Variants in ZNF804B observed in about 807,000 individuals in gnomAD.
ZNF804B encodes zinc finger protein 804B.
A neutral mutation model predicts 101.4 loss-of-function variants in ZNF804B; 80 were observed. That is an observed-to-expected ratio of 0.79 (90% CI 0.66 to 0.95). The LOEUF (loss-of-function observed/expected upper bound fraction) is 0.95, where lower values mean the gene tolerates loss of function less well. Among genes scored for constraint, ZNF804B ranks in the 40% least tolerant of loss-of-function variants. The probability of loss-of-function intolerance (pLI) is 0.00; values close to 1 mark genes in which losing one functional copy is unlikely to be tolerated. For missense variants in ZNF804B, 1,673 were observed against 1,561.9 expected, an observed-to-expected ratio of 1.07 and a Z score of -1.20; for synonymous variants, 622 against 558.8, an observed-to-expected ratio of 1.11 and a Z score of -1.59.
chr7:89,089,698 T>C (rs1182171601), intron 1 of ZNF804B, among the ~76,000 whole-genome samples: 2 of 152,076 alleles, frequency 1.3e-5, no homozygotes, highest in Non-Finnish European at 2.9e-5. Context: ...GAAATTAAAT[T>C]TATTTTTAAG....
intron 1 of ZNF804B, among the ~76,000 whole-genome samples, chr7:89,205,402 G>T (rs989186792): frequency 3.3e-5 from 5 of 152,084 alleles, no homozygotes; most frequent in Non-Finnish European, 7.3e-5. Flanking sequence ...CTGAGAAAAG[G>T]CAAGTCCCTT....
At chr7:88,989,261 G>T (rs1793809542) in intron 1 of ZNF804B, among the ~76,000 whole-genome samples, 1 of 152,086 alleles carries the variant, frequency 6.6e-6, no homozygotes, top group African/African-American at 2.4e-5. Flanking sequence ...TTCCCAAAGT[G>T]CTGGGATTAT....
At position 89,327,487 on chromosome 7, in the gene ZNF804B, G is replaced by T; in HGVS notation, c.380+13G>T. On this transcript the variant is annotated intron_variant, in intron 3 of 3. Transcript: ENST00000333190. ...AGCAATCTGAATGGTAAGAATTAAAGGTGTCTGGGATGCTTCAAAACTCTC... is the reference window on the plus strand; with the variant it reads ...AGCAATCTGAATGGTAAGAATTAAATGTGTCTGGGATGCTTCAAAACTCTC... The T allele has an allele frequency of 1.2e-6, 2 of 1,607,046 alleles. No homozygotes were observed. The highest frequency in any genetic ancestry group is 1.7e-6 in the Non-Finnish European group (2 of 1,177,000).
intron 2 of ZNF804B, among the ~76,000 whole-genome samples, chr7:89,230,720 C>G (rs1789179859): frequency 6.6e-6 from 1 of 152,020 alleles, no homozygotes; most frequent in Non-Finnish European, 1.5e-5. Context: ...ACCTGGACAT[C>G]CACATACATC....
At chr7:88,952,545 T>G (rs4727195) in intron 1 of ZNF804B, among the ~76,000 whole-genome samples, 1 of 151,522 alleles carries the variant, frequency 6.6e-6, no homozygotes, top group African/African-American at 2.4e-5. Context: ...ATTATAGTGA[T>G]GTAGTCAGGC....
At chr7:89,075,614 G>A (rs1343742692) in intron 1 of ZNF804B, among the ~76,000 whole-genome samples, 1 of 152,208 alleles carries the variant, frequency 6.6e-6, no homozygotes, top group Non-Finnish European at 1.5e-5. Flanking sequence ...CTAGCCCAGT[G>A]TAGAACGGAA....
chr7:89,066,490 G>A (rs1055867748), intron 1 of ZNF804B, among the ~76,000 whole-genome samples: 2 of 152,076 alleles, frequency 1.3e-5, no homozygotes, highest in African/African-American at 4.8e-5. Flanking sequence ...ACCATTAGCA[G>A]GTTAAAAATG....
intron 1 of ZNF804B, among the ~76,000 whole-genome samples, chr7:88,890,517 C>T (rs1792200504): frequency 6.6e-6 from 1 of 152,126 alleles, no homozygotes; most frequent in Non-Finnish European, 1.5e-5. Context: ...TCTTGTTGCT[C>T]CACATTTTTA....
Position 88,759,949 on chromosome 7 carries a change from G to C in ZNF804B, c.-28G>C. 6.2e-7 allele frequency: 1 copy of C among 1,604,656 alleles called. No homozygotes were observed. Among genetic ancestry groups the C allele is most frequent in the Non-Finnish European group, 8.5e-7 (1 of 1,171,470 alleles). ...ACGGCTGGTCGCCTGGTGAGGAGTTGAGACTCTGCGCCTCCGCCCGGACCC... is the reference window on the plus strand; with the variant it reads ...ACGGCTGGTCGCCTGGTGAGGAGTTCAGACTCTGCGCCTCCGCCCGGACCC... On this transcript the variant is annotated 5_prime_UTR_variant, in exon 1 of 4. Coordinates refer to ENST00000333190, the MANE Select transcript of ZNF804B (RefSeq NM_181646.5).
chr7:89,098,228 T>A (rs957435547), intron 1 of ZNF804B, among the ~76,000 whole-genome samples: 2 of 151,966 alleles, frequency 1.3e-5, no homozygotes, highest in Admixed American at 1.3e-4. Context: ...TTAATCACCA[T>A]GTTATCCTTA....
chr7:88,931,912 C>A (rs1792892677), intron 1 of ZNF804B, among the ~76,000 whole-genome samples: 1 of 151,218 alleles, frequency 6.6e-6, no homozygotes, highest in Non-Finnish European at 1.5e-5. Flanking sequence ...AATGCTAGTA[C>A]TATTGGTGTT....
intron 2 of ZNF804B, among the ~76,000 whole-genome samples, chr7:89,232,058 A>G (rs557245321): frequency 3.9e-5 from 6 of 152,220 alleles, no homozygotes; most frequent in African/African-American, 1.2e-4. Flanking sequence ...AGTTTTTAAT[A>G]GAAACCCTTT....
intron 1 of ZNF804B, among the ~76,000 whole-genome samples, chr7:89,131,751 G>T (rs1790550411): frequency 1.3e-5 from 2 of 151,898 alleles, no homozygotes; most frequent in Admixed American, 6.6e-5. Context: ...ATTCTATATT[G>T]TGGTCAGACA....
intron 1 of ZNF804B, among the ~76,000 whole-genome samples, chr7:89,155,384 C>G (rs749139281): frequency 1.3e-5 from 2 of 152,134 alleles, no homozygotes; most frequent in African/African-American, 4.8e-5. Flanking sequence ...TCCATAATAT[C>G]TCATCTTTCA....
Position 88,759,736 on chromosome 7 carries a change from CG to C in ZNF804B, c.-238del. Reference sequence around the variant, plus strand: ...CAGAGCAGCATGTGGACTGGCTCGCCGGGTCCCCTCCGTGCTCTGTGCTGTC... The same window carrying C: ...CAGAGCAGCATGTGGACTGGCTCGCCGGTCCCCTCCGTGCTCTGTGCTGTC... On this transcript the variant is annotated 5_prime_UTR_variant, in exon 1 of 4. The change abolishes the stop of an existing upstream ORF in the 5' untranslated region. Coordinates refer to ENST00000333190, the MANE Select transcript of ZNF804B (RefSeq NM_181646.5). 5.5e-6 allele frequency: 3 copies of C among 543,066 alleles called. No homozygotes were observed. The highest frequency in any genetic ancestry group is 9.9e-6 in the Non-Finnish European group (3 of 301,860). 33.6% of individuals were successfully genotyped at this position (543,066 alleles called of 1,614,324 possible). A position where few individuals can be genotyped will look rare whatever the true frequency, so the allele number is the denominator to read the frequency against.
intron 1 of ZNF804B, among the ~76,000 whole-genome samples, chr7:88,888,506 G>A (rs868131791): frequency 2.6e-5 from 4 of 152,058 alleles, no homozygotes; most frequent in East Asian, 1.9e-4. Context: ...TACAGACACC[G>A]TATCCATAAT....
chr7:89,281,879 A>G (rs1790101632), intron 2 of ZNF804B, among the ~76,000 whole-genome samples: 1 of 152,174 alleles, frequency 6.6e-6, no homozygotes. Context: ...GACAGAGTCC[A>G]AAAGTCTCAG....
chr7:89,161,863 CAT>C (rs1190245279), intron 1 of ZNF804B, among the ~76,000 whole-genome samples: 2 of 151,906 alleles, frequency 1.3e-5, no homozygotes, highest in African/African-American at 4.8e-5. Context: ...AATGCAATAT[CAT>C]AGTGATTTTT....
chr7:88,951,720 T>G (rs923274454), intron 1 of ZNF804B, among the ~76,000 whole-genome samples: 1 of 151,794 alleles, frequency 6.6e-6, no homozygotes. Flanking sequence ...ATGAGCAAAA[T>G]GACCATCAGA....
Sources: gnomAD v4.1 joint callset for allele counts (sites outside exome capture counted in the v4.1 genomes callset) on GRCh38, gnomAD v4.1.1 for gene constraint, MANE v1.5 for transcripts, NCBI Gene and HGNC (gene_info 2026-07-23, HGNC 2026-07-21) for gene names.